TCF12: variants seen among roughly 807,000 people sequenced by gnomAD.
TCF12 encodes the protein transcription factor 12, also known as DNA-binding protein HTF4.
A neutral mutation model predicts 86.0 loss-of-function variants in TCF12; 45 were observed. That is an observed-to-expected ratio of 0.52 (90% CI 0.41 to 0.67). TCF12 has a LOEUF of 0.67. TCF12 is among the 30% of genes least tolerant of loss of function. The pLI is 0.00. For missense variants in TCF12, 881 were observed against 859.9 expected (o/e 1.02, Z -0.31); for synonymous variants, 330 against 299.6 (o/e 1.10, Z -1.05).
intron 6 of TCF12, among the ~76,000 whole-genome samples, chr15:57,170,722 T>TA (rs1427301623): frequency 8.1e-4 from 21 of 25,874 alleles, no homozygotes; most frequent in African/African-American, 1.7e-3. Flanking sequence ...AATATATATA[T>TA]TATATATTAT....
intron 4 of TCF12, among the ~76,000 whole-genome samples, chr15:57,087,007 CTCTCCCTCTG>C (rs1177987544): frequency 6.6e-6 from 1 of 151,348 alleles, no homozygotes; most frequent in South Asian, 2.1e-4. Flanking sequence ...TAGGTGTGTT[CTCTCCCTCTG>C]TCTCCCTCTG....
In TCF12 at chr15:57,251,424, GT is replaced by G; in HGVS notation, c.1188+2del. 1 of 1,613,774 alleles carries G rather than the reference GT, an allele frequency of 6.2e-7. No homozygotes were observed. Among genetic ancestry groups the G allele is most frequent in the African/African-American group, 1.3e-5 (1 of 74,998 alleles). ...CTATGAAAACTCACTCCACTCCCTG[GT>G]AAGAGCCTCTTATACATCAGTTTTA... is the stretch of plus-strand genomic sequence containing the variant. On this transcript the variant is annotated splice_donor_variant, in intron 14 of 20. Coordinates refer to ENST00000333725, the MANE Select transcript of TCF12 (RefSeq NM_207037.2). LOFTEE classifies it high-confidence loss of function.
intron 3 of TCF12, among the ~76,000 whole-genome samples, chr15:57,048,234 G>T (rs922172756): frequency 2.6e-5 from 4 of 151,736 alleles, no homozygotes; most frequent in Non-Finnish European, 4.4e-5. Context: ...CTCCCCTGAA[G>T]TTTTTTTGTT....
At chr15:57,126,441 C>T (rs1172882516) in intron 5 of TCF12, among the ~76,000 whole-genome samples, 1 of 152,180 alleles carries the variant, frequency 6.6e-6, no homozygotes, top group Non-Finnish European at 1.5e-5. Context: ...ATAATCTCTA[C>T]TCTCCATCCT....
At chr15:57,096,451 A>G (rs1489905315) in intron 5 of TCF12, among the ~76,000 whole-genome samples, 5 of 152,098 alleles carry the variant, frequency 3.3e-5, no homozygotes, top group Admixed American at 6.5e-5. Flanking sequence ...CATCATGTTA[A>G]TAGAATTGCT....
intron 6 of TCF12, among the ~76,000 whole-genome samples, chr15:57,186,253 C>T (rs1167544721): frequency 6.6e-6 from 1 of 152,192 alleles, no homozygotes; most frequent in Non-Finnish European, 1.5e-5. Flanking sequence ...AATCCTAGCA[C>T]TTTGGCAGGC....
intron 8 of TCF12, among the ~76,000 whole-genome samples, chr15:57,221,320 ATTTTC>A (rs1284350371): frequency 6.7e-6 from 1 of 150,122 alleles, no homozygotes; most frequent in African/African-American, 2.5e-5. Context: ...TGTGAAAATA[ATTTTC>A]TTTTGTGTCT....
rs958397518 is a variant in TCF12, at chr15:57,114,564, C to G, written c.325+22673C>G. ...CCTTCCACTTGGGCCTCTGAAAGTG[C>G]TGGGATTACAGGTGTGAGCCACCAT... On this transcript the variant is annotated intron_variant, in intron 5 of 20. Transcript: ENST00000333725. Among the ~76,000 whole-genome samples the G allele has an allele frequency of 1.8e-4, 28 of 152,208 alleles. 1 individual carries two copies. The highest frequency in any genetic ancestry group is 2.2e-4 in the Non-Finnish European group (15 of 68,004).
chr15:57,255,434 C>A (rs565008005), intron 16 of TCF12, among the ~76,000 whole-genome samples: 2 of 152,162 alleles, frequency 1.3e-5, no homozygotes, highest in Non-Finnish European at 2.9e-5. Flanking sequence ...CTGCCCACTT[C>A]AGAACAACAA....
At chr15:56,944,240 T>G (rs1302506185) in intron 3 of TCF12, among the ~76,000 whole-genome samples, 1 of 152,226 alleles carries the variant, frequency 6.6e-6, no homozygotes, top group East Asian at 1.9e-4. Context: ...GAAAACTTTA[T>G]CTTGTCTCTT....
intron 3 of TCF12, among the ~76,000 whole-genome samples, chr15:56,978,288 T>C (rs2062713617): frequency 6.6e-6 from 1 of 152,118 alleles, no homozygotes; most frequent in South Asian, 2.1e-4. Context: ...ATACATAATA[T>C]AAAGAAAAAC....
intron 3 of TCF12, among the ~76,000 whole-genome samples, chr15:57,061,058 C>T (rs1331689392): frequency 2.0e-5 from 3 of 152,146 alleles, no homozygotes; most frequent in African/African-American, 7.2e-5. Context: ...TCTTTGAGCC[C>T]CTTGTCATTT....
chr15:57,208,050 T>A (rs2057918836), intron 8 of TCF12, among the ~76,000 whole-genome samples: 1 of 150,796 alleles, frequency 6.6e-6, no homozygotes. Context: ...TTTTTTTTTT[T>A]AAAGACAGAG....
At chr15:57,145,978 A>G (rs1484348977) in intron 5 of TCF12, among the ~76,000 whole-genome samples, 1 of 152,188 alleles carries the variant, frequency 6.6e-6, no homozygotes, top group Non-Finnish European at 1.5e-5. Flanking sequence ...AATTTTTACA[A>G]ACTTCATGGC....
intron 8 of TCF12, among the ~76,000 whole-genome samples, chr15:57,216,920 G>GT (rs1197274077): frequency 1.3e-5 from 2 of 152,020 alleles, no homozygotes; most frequent in Non-Finnish European, 2.9e-5. Flanking sequence ...ATTACCACCA[G>GT]TTTTGTTGAT....
chr15:57,266,103 T>G (rs2060856376), intron 18 of TCF12, among the ~76,000 whole-genome samples: 1 of 148,674 alleles, frequency 6.7e-6, no homozygotes, highest in South Asian at 2.1e-4. Flanking sequence ...ATTTATTTAT[T>G]TATTTATTTA....
chr15:57,148,204 TAAAA>T (rs1482941312), intron 5 of TCF12, among the ~76,000 whole-genome samples: 4 of 15,682 alleles, frequency 2.6e-4, no homozygotes, highest in Non-Finnish European at 3.8e-4. Context: ...AACAGTATAA[TAAAA>T]AGAAAGAAAG....
chr15:56,978,784 T>TG (rs781519145), intron 3 of TCF12, among the ~76,000 whole-genome samples: 12 of 152,224 alleles, frequency 7.9e-5, no homozygotes, highest in South Asian at 2.1e-4. Context: ...CAGATATTGC[T>TG]GGCCTAAGTA....
At chr15:57,240,879 C>G in intron 12 of TCF12, among the ~76,000 whole-genome samples, 1 of 65,692 alleles carries the variant, frequency 1.5e-5, no homozygotes, top group African/African-American at 5.4e-5. Context: ...GACCCTGTCT[C>G]AAAAAAAAAA....
Sources: allele counts gnomAD v4.1 joint callset (sites outside exome capture counted in the v4.1 genomes callset), GRCh38; gene constraint gnomAD v4.1.1; transcripts MANE v1.5; gene names NCBI Gene and HGNC (gene_info 2026-07-23, HGNC 2026-07-21).